TLN2: variants seen among roughly 807,000 people sequenced by gnomAD.
The protein encoded by TLN2 is talin 2, also known as talin-2.
Under a neutral mutation model 294.7 loss-of-function variants are expected in TLN2, and 118 were observed. That is an observed-to-expected ratio of 0.40 (90% confidence interval 0.34 to 0.47). The LOEUF is 0.47. Among genes scored for constraint, TLN2 ranks in the 20% least tolerant of loss-of-function variants. The pLI is 0.84. For synonymous variants in TLN2, 1,431 were observed against 1,304.5 expected, an observed-to-expected ratio of 1.10 and a Z score of -2.09; for missense variants, 3,083 against 3,282.2, an observed-to-expected ratio of 0.94 and a Z score of 1.48.
In TLN2 at chr15:62,655,609, G is replaced by T. The variant is rs2140954884; in HGVS notation, c.518-335G>T. On this transcript the variant is annotated intron_variant, in intron 7 of 58. Coordinates refer to ENST00000636159, the MANE Select transcript of TLN2 (RefSeq NM_015059.3). ...AGCACATGTCACCGTGGGTTGGCTG[G>T]CACTGTCCCCTGCTCCACAGAGGGT... Among the ~76,000 whole-genome samples the T allele has an allele frequency of 0.018, 18 of 994 alleles. 9 individuals carry two copies. In the Non-Finnish European group the frequency reaches 0.2, roughly 11 times the overall value. 0.7% of individuals were successfully genotyped at this position (994 alleles called of 152,430 possible).
rs376272831 is a variant in TLN2, at chr15:62,578,264, C to G, written c.-237-11423C>G. Reference sequence around the variant, plus strand: ...CAACAAGAACCAGAACCACCAGGAACTGGAAAACATTGTTTAATACCATTG... The same window carrying G: ...CAACAAGAACCAGAACCACCAGGAAGTGGAAAACATTGTTTAATACCATTG... On this transcript the variant is annotated intron_variant, in intron 1 of 58. Transcript: ENST00000636159. Among the ~76,000 whole-genome samples the G allele has an allele frequency of 2.6e-5, 4 of 152,268 alleles. No homozygotes were observed. The South Asian group carries it at 8.3e-4, about 32-fold the overall frequency.
chr15:62,491,340 ATATATAT>A (rs1567024401), intron 1 of TLN2, among the ~76,000 whole-genome samples: 1 of 68,314 alleles, frequency 1.5e-5, no homozygotes, highest in African/African-American at 4.5e-5. Flanking sequence ...AAAAAAAAAT[ATATATAT>A]ATATACACAC....
intron 1 of TLN2, among the ~76,000 whole-genome samples, chr15:62,526,505 G>A (rs1328267649): frequency 2.0e-5 from 3 of 152,146 alleles, no homozygotes; most frequent in Non-Finnish European, 4.4e-5. Context: ...CTGAGCCCCA[G>A]TGAAGCCAGC....
At chr15:62,821,424 C>G (rs1009579062) in intron 54 of TLN2, among the ~76,000 whole-genome samples, 8 of 152,254 alleles carry the variant, frequency 5.3e-5, no homozygotes, top group African/African-American at 1.9e-4. Context: ...TTTGGCTTTT[C>G]CCCTCAAAAA....
intron 14 of TLN2, 60 bp from the exon 15 acceptor site, chr15:62,697,628 T>C: frequency 6.6e-7 from 1 of 1,522,580 alleles, no homozygotes; most frequent in East Asian, 2.3e-5. Context: ...CTGTGGGGTC[T>C]CCTCATTGCA....
At chr15:62,796,105 C>T (rs2141130055) in intron 46 of TLN2, 22 bp from the exon 47 acceptor site, 1 of 1,610,934 alleles carries the variant, frequency 6.2e-7, no homozygotes, top group East Asian at 2.2e-5. Flanking sequence ...TAGCTCCCCT[C>T]ACATTCCCTT....
Position 62,653,232 on chromosome 15 carries a change from C to A in TLN2, c.435C>A (p.Gly145=). Residue 145 remains glycine, a synonymous_variant, in exon 7 of 59, where the codon GGC becomes GGA. Coordinates refer to ENST00000636159, the MANE Select transcript of TLN2 (RefSeq NM_015059.3). ...TIEEKKEEGT[G]TLKKDRTLLR... ...AAGAAAAGAAAGAGGAAGGAACGGG[C>A]ACACTCAAAAAAGACAGGACACTGT... The A allele has an allele frequency of 6.2e-7, 1 of 1,612,818 alleles. No individual in the cohort carries two copies. Among genetic ancestry groups the A allele is most frequent in the East Asian group, 2.2e-5 (1 of 44,838 alleles).
rs150638113 is a variant in TLN2, at chr15:62,398,785, G to A, written c.-238+8100G>A. Among the ~76,000 whole-genome samples the A allele has an allele frequency of 1.8e-3, 272 of 152,328 alleles. 2 individuals carry two copies. Among genetic ancestry groups the A allele is most frequent in the Middle Eastern group, 3.4e-3 (1 of 294 alleles). On this transcript the variant is annotated intron_variant, in intron 1 of 58. Transcript: ENST00000636159. ...GGGGAAGAAATTTCTAAGCAGCAGAGCATTTAGGAGGTGACAGAGCATAAA... is the reference window on the plus strand; with the variant it reads ...GGGGAAGAAATTTCTAAGCAGCAGAACATTTAGGAGGTGACAGAGCATAAA...
intron 54 of TLN2, among the ~76,000 whole-genome samples, chr15:62,822,084 T>C (rs905207866): frequency 1.3e-5 from 2 of 152,170 alleles, no homozygotes; most frequent in Non-Finnish European, 2.9e-5. Flanking sequence ...TTCTAAGAGC[T>C]CCTGTTTCAA....
chr15:62,459,043 C>T (rs1049165108), intron 1 of TLN2, among the ~76,000 whole-genome samples: 1 of 151,874 alleles, frequency 6.6e-6, no homozygotes. Flanking sequence ...ACTCTGTCGC[C>T]AGGCTGGAGT....
chr15:62,738,168 A>G (rs776165008), intron 29 of TLN2, 46 bp from the exon 30 acceptor site: 1 of 1,605,284 alleles, frequency 6.2e-7, no homozygotes, highest in South Asian at 1.1e-5. Flanking sequence ...ACAAATGTGC[A>G]GAAATGTTTG....
At chr15:62,422,282 G>A (rs1174799318) in intron 1 of TLN2, among the ~76,000 whole-genome samples, 4 of 147,792 alleles carry the variant, frequency 2.7e-5, no homozygotes, top group African/African-American at 7.5e-5. Context: ...GTGCAGTCCA[G>A]GCATCAACCC....
intron 1 of TLN2, among the ~76,000 whole-genome samples, chr15:62,451,723 T>G (rs758474712): frequency 2.0e-5 from 3 of 152,164 alleles, no homozygotes; most frequent in Non-Finnish European, 4.4e-5. Flanking sequence ...AGAACTGTGG[T>G]GAGGGAGCCT....
intron 1 of TLN2, among the ~76,000 whole-genome samples, chr15:62,524,525 C>T (rs2040632596): frequency 6.6e-6 from 1 of 152,130 alleles, no homozygotes; most frequent in South Asian, 2.1e-4. Context: ...TTTCTCCTTT[C>T]TGAACCTTGG....
chr15:62,422,527 A>T (rs1016540535), intron 1 of TLN2, among the ~76,000 whole-genome samples: 24 of 152,228 alleles, frequency 1.6e-4, no homozygotes, highest in Non-Finnish European at 3.2e-4. Flanking sequence ...TCTGAGCATT[A>T]GGCCATTTAC....
rs756008660 is a variant in TLN2, at chr15:62,753,901, C to T, written c.4461C>T (p.Gly1487=). 3 of 1,605,976 alleles carry T rather than the reference C, an allele frequency of 1.9e-6. No homozygotes were observed. The East Asian group carries it at 6.8e-5, about 36-fold the overall frequency. The stretch of plus-strand genomic sequence containing the variant: ...CATGCCAGAACTTGGTGGACCCTGG[C>T]AGCAGCCCATCACAGGTAACTGTTG... ...QMACQNLVDP[G]SSPSQVLSAA... Residue 1487 remains glycine, a synonymous_variant, in exon 36 of 59, where the codon GGC becomes GGT. Coordinates refer to ENST00000636159, the MANE Select transcript of TLN2 (RefSeq NM_015059.3).
intron 11 of TLN2, chr15:62,683,028 C>T (rs1156293940): frequency 6.6e-6 from 1 of 152,222 alleles, no homozygotes; most frequent in African/African-American, 2.4e-5. Flanking sequence ...TTCAGGTTTG[C>T]TCTTGAGCAG....
intron 31 of TLN2, among the ~76,000 whole-genome samples, chr15:62,739,817 G>A (rs1052473549): frequency 6.6e-6 from 1 of 152,100 alleles, no homozygotes; most frequent in Non-Finnish European, 1.5e-5. Context: ...TTGGAGGGAG[G>A]GTAGGAGGAG....
At chr15:62,614,888 C>A (rs2048189551) in intron 2 of TLN2, among the ~76,000 whole-genome samples, 1 of 152,096 alleles carries the variant, frequency 6.6e-6, no homozygotes, top group Admixed American at 6.5e-5. Context: ...TCACTGCAAC[C>A]CCCGCCTCCC....
Sources: gnomAD v4.1 joint callset for allele counts (sites outside exome capture counted in the v4.1 genomes callset) on GRCh38, gnomAD v4.1.1 for gene constraint, MANE v1.5 for transcripts, NCBI Gene and HGNC (gene_info 2026-07-23, HGNC 2026-07-21) for gene names.